Variants in SMG6 observed in about 807,000 individuals in gnomAD.
SMG6 encodes telomerase-binding protein EST1A.
In SMG6, 66 loss-of-function variants were observed where a neutral mutation model predicts 142.2. The ratio of observed to expected loss-of-function variants is 0.46; its 90% CI spans 0.38 to 0.57. The LOEUF (loss-of-function observed/expected upper bound fraction) is 0.57. SMG6 is among the 20% of genes least tolerant of loss of function. SMG6 has a pLI of 0.00. For missense variants in SMG6, 1,793 were observed against 1,832.0 expected (o/e 0.98, Z 0.39); for synonymous variants, 779 against 702.4 (o/e 1.11, Z -1.72).
intron 1 of SMG6, among the ~76,000 whole-genome samples, chr17:2,301,354 T>C (rs2075272898): frequency 6.6e-6 from 1 of 152,164 alleles, no homozygotes; most frequent in Non-Finnish European, 1.5e-5. Context: ...TCACTAACAG[T>C]AGCTCACAGA....
intron 10 of SMG6, 30 bp from the exon 11 acceptor site, chr17:2,188,545 C>A: frequency 1.3e-6 from 2 of 1,595,280 alleles, no homozygotes; most frequent in Non-Finnish European, 1.7e-6. Context: ...ACTCTCAGCG[C>A]CCCAGGCGGA....
intron 13 of SMG6, among the ~76,000 whole-genome samples, chr17:2,152,745 T>A (rs1487406135): frequency 6.6e-6 from 1 of 152,262 alleles, no homozygotes; most frequent in African/African-American, 2.4e-5. Flanking sequence ...GCAGCCACTT[T>A]GTAAAACAGT....
chr17:2,234,037 G>C (rs1453841068), intron 10 of SMG6, among the ~76,000 whole-genome samples: 3 of 152,162 alleles, frequency 2.0e-5, no homozygotes, highest in Admixed American at 2.0e-4. Flanking sequence ...GTGACAATGA[G>C]GTGAGAGTCA....
At chr17:2,289,128 T>C (rs953457236) in intron 6 of SMG6, among the ~76,000 whole-genome samples, 1 of 148,912 alleles carries the variant, frequency 6.7e-6, no homozygotes, top group Non-Finnish European at 1.5e-5. Context: ...CGGGCACCTG[T>C]AGTTGCATCT....
At chr17:2,286,398 G>A (rs1193476699) in intron 6 of SMG6, among the ~76,000 whole-genome samples, 1 of 150,832 alleles carries the variant, frequency 6.6e-6, no homozygotes, top group East Asian at 1.9e-4. Context: ...CTGTGGTACT[G>A]GCATGAGGAC....
chr17:2,173,006 A>C (rs2071552817), intron 12 of SMG6, 147 bp from the exon 13 acceptor site: 1 of 743,902 alleles, frequency 1.3e-6, no homozygotes, highest in Non-Finnish European at 2.2e-6. Context: ...AAATGCTAGG[A>C]AACAAAACTG....
At chr17:2,291,892 T>C (rs2075047114) in intron 6 of SMG6, among the ~76,000 whole-genome samples, 1 of 151,342 alleles carries the variant, frequency 6.6e-6, no homozygotes, top group African/African-American at 2.4e-5. Context: ...ATTTTCTCCT[T>C]GCTAATGAGC....
chr17:2,303,023 G>A, intron 1 of SMG6: 3 of 985,420 alleles, frequency 3.0e-6, no homozygotes, highest in Non-Finnish European at 3.6e-6. Flanking sequence ...CTTTCCTGAC[G>A]TGGCTGGAGA....
intron 18 of SMG6, chr17:2,062,247 CGA>C (rs2067803444): frequency 1.3e-5 from 2 of 152,500 alleles, no homozygotes; most frequent in African/African-American, 4.8e-5. Flanking sequence ...TGTATACAGG[CGA>C]AAGTCTCTAA....
rs760009257 is a variant in SMG6, at chr17:2,236,625, G to T, written c.2736C>A (p.Phe912Leu). ...KLFTRIGMET[F>L]PAVAEKVLKE... Reference sequence around the variant, plus strand: ...TGAGGACCTTCTCAGCCACTGCAGGGAATGTCTCCATCCTGCAGATTCAGA... The same window carrying T: ...TGAGGACCTTCTCAGCCACTGCAGGTAATGTCTCCATCCTGCAGATTCAGA... Residue 912 changes from phenylalanine (F) to leucine (L), a missense_variant, in exon 10 of 19, where the codon TTC becomes TTA. Phe to Leu is a conservative substitution (Grantham distance 22). Around this residue, in one of 3 missense-constraint regions of SMG6, gnomAD observed 1,597 missense variants for 1,584.6 expected, o/e 1.01. Coordinates refer to ENST00000263073, the MANE Select transcript of SMG6 (RefSeq NM_017575.5). 2.5e-6 allele frequency: 4 copies of T among 1,612,172 alleles called. No homozygotes were observed. The highest frequency in any genetic ancestry group is 1.3e-5 in the African/African-American group (1 of 74,756).
At chr17:2,086,832 C>G (rs2151438360) in intron 13 of SMG6, among the ~76,000 whole-genome samples, 1 of 152,294 alleles carries the variant, frequency 6.6e-6, no homozygotes, top group Middle Eastern at 3.4e-3. Flanking sequence ...CCTCCAGCAT[C>G]CTCTTCTCCC....
At chr17:2,210,784 A>G (rs1258429692) in intron 10 of SMG6, among the ~76,000 whole-genome samples, 16 of 151,488 alleles carry the variant, frequency 1.1e-4, no homozygotes, top group Non-Finnish European at 2.2e-4. Context: ...TAAAAAAAAA[A>G]GCAAGCTAAG....
intron 10 of SMG6, among the ~76,000 whole-genome samples, chr17:2,219,667 T>C (rs2073116985): frequency 6.6e-6 from 1 of 151,866 alleles, no homozygotes; most frequent in Non-Finnish European, 1.5e-5. Flanking sequence ...CACGTGCCTG[T>C]AGTCCCATCT....
At chr17:2,174,142 T>TA (rs2071590031) in intron 12 of SMG6, among the ~76,000 whole-genome samples, 1 of 152,196 alleles carries the variant, frequency 6.6e-6, no homozygotes, top group South Asian at 2.1e-4. Flanking sequence ...CTCACGCCTG[T>TA]AATCCCAGTA....
intron 13 of SMG6, among the ~76,000 whole-genome samples, chr17:2,090,378 C>T (rs1050794260): frequency 6.6e-6 from 1 of 151,860 alleles, no homozygotes; most frequent in Non-Finnish European, 1.5e-5. Context: ...GAACTAAGCA[C>T]CAGGTATCAC....
intron 10 of SMG6, among the ~76,000 whole-genome samples, chr17:2,195,870 T>TG (rs1446727935): frequency 1.3e-5 from 2 of 152,146 alleles, no homozygotes; most frequent in African/African-American, 4.8e-5. Context: ...CCACATTGTT[T>TG]GCATATCTGA....
At position 2,300,017 on chromosome 17, in the gene SMG6, G is replaced by C. The variant is rs778121129; in HGVS notation, c.736C>G (p.Arg246Gly). ...GRPGSAKRYSRSDKRRNRYRT... is the reference protein window; with the variant it reads ...GRPGSAKRYSGSDKRRNRYRT... ...TAGCGATTCCTTCGTTTGTCTGAGC[G>C]GGAGTAGCGCTTTGCGGAGCCCGGC... Residue 246 changes from arginine (R) to glycine (G), a missense_variant, in exon 2 of 19, where the codon CGC becomes GGC. This residue lies in a region of SMG6 where 1,597 missense variants were observed against 1,584.6 expected (regional missense o/e 1.01). Transcript: ENST00000263073. 2 of 1,614,034 alleles carry C rather than the reference G, an allele frequency of 1.2e-6. No homozygotes were observed. Among genetic ancestry groups the C allele is most frequent in the African/African-American group, 1.3e-5 (1 of 74,938 alleles).
At chr17:2,246,420 T>C (rs1673353522) in intron 8 of SMG6, among the ~76,000 whole-genome samples, 1 of 152,204 alleles carries the variant, frequency 6.6e-6, no homozygotes, top group African/African-American at 2.4e-5. Flanking sequence ...AGAACATCAA[T>C]CAAGCTATGG....
At chr17:2,101,699 G>A (rs1445923031) in intron 13 of SMG6, 1 of 152,160 alleles carries the variant, frequency 6.6e-6, no homozygotes, top group African/African-American at 2.4e-5. Context: ...GTTACTACAA[G>A]CCAGGCACTG....
Sources: allele counts gnomAD v4.1 joint callset (sites outside exome capture counted in the v4.1 genomes callset), GRCh38; gene constraint gnomAD v4.1.1; regional missense constraint gnomAD v4.1.1; transcripts MANE v1.5; gene names NCBI Gene and HGNC (gene_info 2026-07-23, HGNC 2026-07-21).